The following PCDHA6 variants were observed in gnomAD, a reference collection of about 807,000 sequenced individuals.
PCDHA6 encodes the protein protocadherin alpha 6, also known as protocadherin alpha-6.
A neutral mutation model predicts 60.3 loss-of-function variants in PCDHA6; 55 were observed. That is an observed-to-expected ratio of 0.91 (90% confidence interval 0.73 to 1.14). The LOEUF is 1.14. Ranked by LOEUF, PCDHA6 falls within the 50% of genes most tolerant of loss-of-function variation. The pLI, the probability that PCDHA6 is intolerant of heterozygous loss-of-function variation, is 0.00. For synonymous variants in PCDHA6, 652 were observed against 557.9 expected, an observed-to-expected ratio of 1.17 and a Z score of -2.38; for missense variants, 1,327 against 1,256.5, an observed-to-expected ratio of 1.06 and a Z score of -0.85.
At chr5:140,843,002 A>G in intron 1 of PCDHA6, 2 of 1,595,004 alleles carry the variant, frequency 1.3e-6, no homozygotes, top group Non-Finnish European at 1.7e-6. Context: ...CGAGAATGAC[A>G]ACGCGCCGGC....
chr5:140,828,197 C>T lies in PCDHA6; in HGVS notation c.106C>T (p.Pro36Ser), dbSNP rs2150152294. The T allele has an allele frequency of 1.9e-6, 3 of 1,614,076 alleles. No homozygotes were observed. Among genetic ancestry groups the T allele is most frequent in the East Asian group, 2.2e-5 (1 of 44,892 alleles). Residue 36 changes from proline to serine, a missense_variant, in exon 1 of 4, where the codon CCC becomes TCC. Transcript: ENST00000529310. ...GAGCGGCCAGCTCCACTACTCCGTA[C>T]CCGAGGAGGCCAAACACGGCACCTT... Reference protein sequence around the residue: ...VGSGQLHYSVPEEAKHGTFVG... With the variant: ...VGSGQLHYSVSEEAKHGTFVG...
At chr5:140,953,545 C>A (rs551898012) in intron 1 of PCDHA6, among the ~76,000 whole-genome samples, 1 of 152,204 alleles carries the variant, frequency 6.6e-6, no homozygotes, top group Admixed American at 6.5e-5. Context: ...CATGCTGATT[C>A]TTTTCTCCAA....
intron 3 of PCDHA6, among the ~76,000 whole-genome samples, chr5:140,996,163 A>G (rs183777507): frequency 4.8e-4 from 73 of 152,326 alleles, no homozygotes; most frequent in African/African-American, 1.5e-3. Flanking sequence ...TTATACTGCA[A>G]TGTGCTGACA....
rs2098420299 is a variant in PCDHA6 at position 141,011,351 on chromosome 5, A to G, written c.*1414A>G. The G allele has an allele frequency of 1.3e-5, 2 of 153,694 alleles. No homozygotes were observed. Among genetic ancestry groups the G allele is most frequent in the African/African-American group, 2.4e-5 (1 of 41,410 alleles). 9.5% of individuals were successfully genotyped at this position (153,694 alleles called of 1,614,324 possible). A position where few individuals can be genotyped will look rare whatever the true frequency, so the allele number is the denominator to read the frequency against. On this transcript the variant is annotated 3_prime_UTR_variant, in exon 4 of 4. Transcript: ENST00000529310. ...TGATGTTACCTGAAATCAATCTCCC[A>G]TATGTATGCTGTATGCTATGCTAAG...
intron 1 of PCDHA6, among the ~76,000 whole-genome samples, chr5:140,878,794 T>G (rs2057730678): frequency 6.6e-6 from 1 of 152,218 alleles, no homozygotes; most frequent in African/African-American, 2.4e-5. Flanking sequence ...CAATCACTTT[T>G]TAAAAACATA....
chr5:140,853,707 C>A, intron 1 of PCDHA6: 2 of 988,182 alleles, frequency 2.0e-6, no homozygotes, highest in Non-Finnish European at 2.4e-6. Context: ...AACGCATTAG[C>A]ATTAGCAGCA....
In PCDHA6 at chr5:140,884,106, T is replaced by C; in HGVS notation, c.2394+53621T>C. 1 of 1,613,420 alleles carries C rather than the reference T, an allele frequency of 6.2e-7. No individual in the cohort carries two copies. The highest frequency in any genetic ancestry group is 8.5e-7 in the Non-Finnish European group (1 of 1,179,712). On this transcript the variant is annotated intron_variant, in intron 1 of 3. Transcript: ENST00000529310. ...GCGTGGCTTTCGTATGAATTGCAGC[T>C]GGCGGCGGTCGGCGCGCGCATCCCG...
At chr5:140,965,561 A>T (rs2095912417) in intron 1 of PCDHA6, among the ~76,000 whole-genome samples, 1 of 152,114 alleles carries the variant, frequency 6.6e-6, no homozygotes, top group Admixed American at 6.5e-5. Context: ...TTAGGAGATC[A>T]ACAGTAACGC....
At chr5:140,921,198 A>T (rs1298623554) in intron 1 of PCDHA6, among the ~76,000 whole-genome samples, 2 of 152,076 alleles carry the variant, frequency 1.3e-5, no homozygotes, top group African/African-American at 4.8e-5. Flanking sequence ...CAATAGATTG[A>T]CAACGATAAT....
chr5:140,850,339 C>T (rs2150480105), intron 1 of PCDHA6: 3 of 1,597,742 alleles, frequency 1.9e-6, no homozygotes, highest in East Asian at 2.2e-5. Flanking sequence ...CAGCCAGAAA[C>T]GGCCAGCGCG....
At chr5:140,942,927 A>T (rs914550511) in intron 1 of PCDHA6, among the ~76,000 whole-genome samples, 2 of 152,104 alleles carry the variant, frequency 1.3e-5, no homozygotes, top group Non-Finnish European at 2.9e-5. Flanking sequence ...AAAAAAATTG[A>T]AAAAGAGTTT....
At chr5:140,942,239 T>A (rs1554214876) in intron 1 of PCDHA6, among the ~76,000 whole-genome samples, 1 of 152,156 alleles carries the variant, frequency 6.6e-6, no homozygotes, top group Admixed American at 6.6e-5. Flanking sequence ...AAATAAGATA[T>A]CCATATCATT....
chr5:140,849,126 T>C, intron 1 of PCDHA6: 1 of 1,386,260 alleles, frequency 7.2e-7, no homozygotes, highest in East Asian at 2.4e-5. Flanking sequence ...GCTTCATTTA[T>C]TGCTCACGGC....
intron 1 of PCDHA6, among the ~76,000 whole-genome samples, chr5:140,916,821 C>T (rs2077744344): frequency 6.6e-6 from 1 of 152,170 alleles, no homozygotes; most frequent in African/African-American, 2.4e-5. Flanking sequence ...TGTGCCACCC[C>T]TATCCCTCTG....
intron 1 of PCDHA6, among the ~76,000 whole-genome samples, chr5:140,874,847 A>AT (rs1459176801): frequency 6.6e-6 from 1 of 152,242 alleles, no homozygotes; most frequent in Non-Finnish European, 1.5e-5. Context: ...TATTAGACAT[A>AT]TTTTAGTTTC....
At chr5:140,877,010 A>T (rs1177640704) in intron 1 of PCDHA6, 2 of 1,612,296 alleles carry the variant, frequency 1.2e-6, no homozygotes, top group African/African-American at 2.7e-5. Context: ...GTGCACGCGG[A>T]GAGCGGCAAG....
chr5:141,002,649 T>C (rs2098089134), intron 3 of PCDHA6, among the ~76,000 whole-genome samples: 2 of 152,214 alleles, frequency 1.3e-5, no homozygotes, highest in South Asian at 2.1e-4. Context: ...GTCTACTTCA[T>C]AGGGCTCTTG....
intron 1 of PCDHA6, among the ~76,000 whole-genome samples, chr5:140,959,108 C>T (rs1299073504): frequency 1.3e-5 from 2 of 151,918 alleles, no homozygotes; most frequent in East Asian, 3.9e-4. Flanking sequence ...AGCAGGGGTC[C>T]GAAGGTGGGC....
chr5:140,901,443 T>C (rs1288584501), intron 1 of PCDHA6, among the ~76,000 whole-genome samples: 2 of 152,202 alleles, frequency 1.3e-5, no homozygotes, highest in Non-Finnish European at 2.9e-5. Flanking sequence ...ATATCTAGTT[T>C]CCCAGCACAG....
Sources: gnomAD v4.1 joint callset for allele counts (sites outside exome capture counted in the v4.1 genomes callset) on GRCh38, gnomAD v4.1.1 for gene constraint, MANE v1.5 for transcripts, NCBI Gene and HGNC (gene_info 2026-07-23, HGNC 2026-07-21) for gene names.